The following GULP1 variants were observed in gnomAD, a reference collection of about 807,000 sequenced individuals.
GULP1 encodes GULP PTB domain containing engulfment adaptor 1.
In GULP1, 19 loss-of-function variants were observed where a neutral mutation model predicts 40.9. That is an observed-to-expected ratio of 0.46 (90% CI 0.32 to 0.68). The LOEUF is 0.68. GULP1 is among the 30% of genes least tolerant of loss of function. The pLI, the probability that GULP1 is intolerant of heterozygous loss-of-function variation, is 0.03. For synonymous variants in GULP1, 119 were observed against 117.6 expected (o/e 1.01, Z -0.08); for missense variants, 312 against 362.2 (o/e 0.86, Z 1.12).
intron 9 of GULP1, among the ~76,000 whole-genome samples, chr2:188,581,219 C>T (rs1021961859): frequency 6.6e-6 from 1 of 152,174 alleles, no homozygotes; most frequent in Non-Finnish European, 1.5e-5. Flanking sequence ...TCCAGTATGA[C>T]TCAGTATTCA....
intron 2 of GULP1, among the ~76,000 whole-genome samples, chr2:188,397,130 T>C (rs141663973): frequency 6.6e-6 from 1 of 152,336 alleles, no homozygotes; most frequent in Non-Finnish European, 1.5e-5. Flanking sequence ...TCTTGTTAAG[T>C]TTCTACCTTG....
At chr2:188,350,851 A>T (rs1277267900) in intron 1 of GULP1, among the ~76,000 whole-genome samples, 1 of 152,148 alleles carries the variant, frequency 6.6e-6, no homozygotes, top group Non-Finnish European at 1.5e-5. Context: ...TATTTATTGA[A>T]TGCAACATTA....
At chr2:188,298,796 G>C (rs1277524872) in intron 1 of GULP1, among the ~76,000 whole-genome samples, 1 of 152,174 alleles carries the variant, frequency 6.6e-6, no homozygotes, top group East Asian at 1.9e-4. Context: ...TAGTACAGAT[G>C]AGGTTTTAGA....
intron 1 of GULP1, among the ~76,000 whole-genome samples, chr2:188,338,871 A>G (rs1046703494): frequency 6.6e-6 from 1 of 152,136 alleles, no homozygotes. Context: ...CTCTTTGGCT[A>G]CCCTTCCACT....
chr2:188,316,712 T>C (rs4353611), intron 1 of GULP1, among the ~76,000 whole-genome samples: 114,420 of 152,044 alleles, frequency 0.75, 43,511 homozygotes, highest in East Asian at 0.95. Flanking sequence ...TTTTAATATT[T>C]TCAGTAGTAC....
chr2:188,484,308 T>C (rs1390773825), intron 4 of GULP1, among the ~76,000 whole-genome samples: 7 of 152,204 alleles, frequency 4.6e-5, no homozygotes, highest in Non-Finnish European at 1.0e-4. Flanking sequence ...ATCTACGCTC[T>C]GTGTCTTTAA....
intron 7 of GULP1, among the ~76,000 whole-genome samples, chr2:188,547,651 G>T (rs1451975555): frequency 6.6e-6 from 1 of 152,108 alleles, no homozygotes; most frequent in Admixed American, 6.6e-5. Context: ...GCCTTTTCCA[G>T]CCCACTGACT....
At chr2:188,424,408 A>G (rs891142617) in intron 2 of GULP1, among the ~76,000 whole-genome samples, 3 of 151,920 alleles carry the variant, frequency 2.0e-5, no homozygotes, top group African/African-American at 4.8e-5. Flanking sequence ...ATTGATTTCA[A>G]TGCATGATCA....
At chr2:188,537,368 A>G (rs1689212300) in intron 6 of GULP1, among the ~76,000 whole-genome samples, 1 of 152,020 alleles carries the variant, frequency 6.6e-6, no homozygotes, top group African/African-American at 2.4e-5. Context: ...TTCAATGCCT[A>G]GTTTGTACAG....
At chr2:188,387,720 A>G (rs10174928) in intron 2 of GULP1, among the ~76,000 whole-genome samples, 27,345 of 152,036 alleles carry the variant, frequency 0.18, 2,524 homozygotes, top group South Asian at 0.24. Flanking sequence ...GATGTTCAGG[A>G]AATTGGAAAG....
chr2:188,572,253 G>C (rs1699205083), intron 9 of GULP1, among the ~76,000 whole-genome samples: 1 of 152,150 alleles, frequency 6.6e-6, no homozygotes, highest in Non-Finnish European at 1.5e-5. Flanking sequence ...CTATTCATAA[G>C]TATAATTCAT....
chr2:188,314,051 A>G (rs1474533571), intron 1 of GULP1, among the ~76,000 whole-genome samples: 1 of 151,892 alleles, frequency 6.6e-6, no homozygotes, highest in East Asian at 1.9e-4. Context: ...ATAAGACTCC[A>G]TTCTTGGATC....
intron 2 of GULP1, among the ~76,000 whole-genome samples, chr2:188,456,946 G>A (rs866783343): frequency 9.9e-5 from 15 of 152,122 alleles, no homozygotes; most frequent in African/African-American, 3.4e-4. Flanking sequence ...TCATTTTGGA[G>A]GTTTAAGATT....
At chr2:188,390,798 A>G (rs1399243095) in intron 2 of GULP1, among the ~76,000 whole-genome samples, 4 of 151,882 alleles carry the variant, frequency 2.6e-5, no homozygotes, top group African/African-American at 4.8e-5. Flanking sequence ...TTAAAATAAG[A>G]TGAGAGATAG....
intron 1 of GULP1, among the ~76,000 whole-genome samples, chr2:188,369,287 T>A (rs2047284010): frequency 6.6e-6 from 1 of 151,952 alleles, no homozygotes; most frequent in African/African-American, 2.4e-5. Flanking sequence ...TACAGTGTTG[T>A]ATACAATCAA....
At chr2:188,305,528 C>T (rs757276364) in intron 1 of GULP1, among the ~76,000 whole-genome samples, 4 of 152,116 alleles carry the variant, frequency 2.6e-5, no homozygotes, top group African/African-American at 9.7e-5. Context: ...AGATTAGAGT[C>T]CTGCTTGGGC....
intron 1 of GULP1, among the ~76,000 whole-genome samples, chr2:188,323,353 C>G (rs1387612157): frequency 6.6e-6 from 1 of 151,986 alleles, no homozygotes; most frequent in Admixed American, 6.6e-5. Context: ...AGTTTTAGAT[C>G]TGTTCCCTTT....
intron 4 of GULP1, among the ~76,000 whole-genome samples, chr2:188,484,225 G>T (rs2061674566): frequency 6.6e-6 from 1 of 152,060 alleles, no homozygotes; most frequent in South Asian, 2.1e-4. Context: ...TTTTTAAAAA[G>T]CACACAAAAA....
chr2:188,506,412 A>C (rs1280730764), intron 4 of GULP1, among the ~76,000 whole-genome samples: 2 of 151,962 alleles, frequency 1.3e-5, no homozygotes, highest in African/African-American at 4.8e-5. Context: ...TACCTGGATT[A>C]TGTAGTATGG....
Sources: gnomAD v4.1 joint callset for allele counts (sites outside exome capture counted in the v4.1 genomes callset) on GRCh38, gnomAD v4.1.1 for gene constraint, MANE v1.5 for transcripts, NCBI Gene and HGNC (gene_info 2026-07-23, HGNC 2026-07-21) for gene names.